COL1A2: variants seen among roughly 807,000 people sequenced by gnomAD.
The protein encoded by COL1A2 is collagen alpha-2(I) chain.
In COL1A2, 49 loss-of-function variants were observed where a neutral mutation model predicts 174.3. That is an observed-to-expected ratio of 0.28 (90% CI 0.22 to 0.36). COL1A2 has a LOEUF of 0.36. COL1A2 is among the 10% of genes least tolerant of loss of function. The probability of loss-of-function intolerance (pLI) is 1.00; values close to 1 mark genes in which losing one functional copy is unlikely to be tolerated. For synonymous variants in COL1A2, 655 were observed against 606.6 expected, an observed-to-expected ratio of 1.08 and a Z score of -1.17; for missense variants, 1,438 against 1,822.7, an observed-to-expected ratio of 0.79 and a Z score of 3.84.
intron 21 of COL1A2, 147 bp downstream of exon 21, chr7:94,410,674 C>A: frequency 1.1e-6 from 1 of 905,742 alleles, no homozygotes; most frequent in Non-Finnish European, 1.8e-6. Context: ...CAGTGACTCT[C>A]AATTTAATAT....
chr7:94,424,358 C>T lies in COL1A2; in HGVS notation c.2588C>T (p.Pro863Leu). 6.2e-7 allele frequency: 1 copy of T among 1,614,110 alleles called. No homozygotes were observed. Among genetic ancestry groups the T allele is most frequent in the Non-Finnish European group, 8.5e-7 (1 of 1,179,992 alleles). Residue 863 changes from proline (P) to leucine (L), a missense_variant, in exon 41 of 52, where the codon CCT (proline) becomes CTT (leucine). By Grantham distance (98) the Pro-to-Leu change is moderately conservative (BLOSUM62 -3). This residue lies in a region of COL1A2 where 867 missense variants were observed against 1,213.7 expected (regional missense o/e 0.71). Coordinates refer to ENST00000297268, the MANE Select transcript of COL1A2 (RefSeq NM_000089.4). ...TAGGGACCTCCTGGCACTCCAGGTC[C>T]TCAGGGTCTTCTTGGTGCTCCTGGT... ...GTAGPPGTPGPQGLLGAPGIL... is the reference protein window; with the variant it reads ...GTAGPPGTPGLQGLLGAPGIL...
chr7:94,406,447 G>T (rs1440313072), intron 12 of COL1A2, 144 bp downstream of exon 12: 1 of 709,612 alleles, frequency 1.4e-6, no homozygotes, highest in African/African-American at 1.8e-5. Context: ...AATCCCTCAA[G>T]GATGGGGACT....
At chr7:94,405,616 A>C in intron 10 of COL1A2, 57 bp from the exon 11 acceptor site, 1 of 1,453,044 alleles carries the variant, frequency 6.9e-7, no homozygotes, top group East Asian at 2.3e-5. Context: ...GGAAGAAGTC[A>C]CTGTCTTTTT....
chr7:94,408,774 C>T lies in COL1A2; in HGVS notation c.743C>T (p.Pro248Leu), dbSNP rs2115890135. Residue 248 changes from proline (P) to leucine (L), a missense_variant, in exon 16 of 52, where the codon CCC becomes CTC. Pro to Leu is a moderately conservative substitution (Grantham distance 98). Around this residue, in one of 3 missense-constraint regions of COL1A2, gnomAD observed 867 missense variants for 1,213.7 expected, o/e 0.71. Transcript: ENST00000297268. ...GSVGPVGPAGPIGSAGPPGFP... is the reference protein window; with the variant it reads ...GSVGPVGPAGLIGSAGPPGFP... ...CACCTTCTGCTTTGATTTCAGGGTC[C>T]CATTGGGTCTGCTGGCCCTCCAGGC... The T allele has an allele frequency of 6.2e-7, 1 of 1,614,058 alleles. No individual in the cohort carries two copies. Among genetic ancestry groups the T allele is most frequent in the East Asian group, 2.2e-5 (1 of 44,866 alleles).
chr7:94,410,402 G>A lies in COL1A2; in HGVS notation c.1090-18G>A, dbSNP rs752029165. On this transcript the variant is annotated intron_variant, in intron 20 of 51. Transcript: ENST00000297268. ...TTATTTTTTTACTCCCTCTTCTTTT[G>A]TTCTTTTCATTAAACAGGGCTCTGC... is the stretch of plus-strand genomic sequence containing the variant. 1.3e-6 allele frequency: 2 copies of A among 1,555,016 alleles called. No individual in the cohort carries two copies. The highest frequency in any genetic ancestry group is 2.4e-5 in the South Asian group (2 of 84,434).
intron 38 of COL1A2, 97 bp from the exon 39 acceptor site, chr7:94,421,802 T>G (rs1375094030): frequency 1.1e-5 from 7 of 619,482 alleles, no homozygotes; most frequent in Non-Finnish European, 1.8e-5. Context: ...CTATTCCTGG[T>G]CACATGTACT....
chr7:94,404,438 A>G (rs998597611), intron 6 of COL1A2, 118 bp from the exon 7 acceptor site: 2 of 1,075,344 alleles, frequency 1.9e-6, no homozygotes, highest in Non-Finnish European at 2.9e-6. Flanking sequence ...CTTGGGAGGA[A>G]TAAAAACTAT....
chr7:94,425,076 C>T (rs770235788), intron 41 of COL1A2, 41 bp from the exon 42 acceptor site: 2 of 1,566,626 alleles, frequency 1.3e-6, no homozygotes, highest in African/African-American at 1.4e-5. Flanking sequence ...AGCATTCCAT[C>T]GAATAAGGGG....
rs200685578 is a variant in COL1A2 at position 94,418,600 on chromosome 7, TTA to T, written c.2025+50_2025+51del. The T allele has an allele frequency of 4.4e-4, 666 of 1,522,426 alleles. No individual in the cohort carries two copies. In the East Asian group the frequency reaches 5.0e-3, roughly 12 times the overall value. 94.3% of individuals were successfully genotyped at this position (1,522,426 alleles called of 1,614,324 possible). ...GTTTCTTCGTACTTGGATTTTTTTT[TTA>T]TGTTTGAATTGAGAAGTTTTCCAAA... On this transcript the variant is annotated intron_variant, in intron 33 of 51. Coordinates refer to ENST00000297268, the MANE Select transcript of COL1A2 (RefSeq NM_000089.4).
At chr7:94,428,132 G>C (rs577909300) in intron 49 of COL1A2, among the ~76,000 whole-genome samples, 161 bp from the exon 50 acceptor site, 1 of 152,100 alleles carries the variant, frequency 6.6e-6, no homozygotes, top group Non-Finnish European at 1.5e-5. Flanking sequence ...GGGAGGGAAG[G>C]AACTGTCTAA....
chr7:94,417,634 C>A, intron 31 of COL1A2, 90 bp from the exon 32 acceptor site: 1 of 1,117,664 alleles, frequency 8.9e-7, no homozygotes, highest in Non-Finnish European at 1.3e-6. Context: ...GCCTGTCTAG[C>A]TAGCTGTTTA....
rs201137000 is a variant in COL1A2 at position 94,400,232 on chromosome 7, G to T, written c.169G>T (p.Gly57Cys). The T allele has an allele frequency of 1.2e-6, 2 of 1,612,784 alleles. No individual in the cohort carries two copies. Among genetic ancestry groups the T allele is most frequent in the South Asian group, 2.2e-5 (2 of 91,026 alleles). The change falls in exon 5 of 52, where the codon GGT becomes TGT. Residue 57 changes from glycine to cysteine, a missense_variant. This residue lies in a region of COL1A2 where 281 missense variants were observed against 310.9 expected (regional missense o/e 0.90). Coordinates refer to ENST00000297268, the MANE Select transcript of COL1A2 (RefSeq NM_000089.4). ...PGPPGRDGED[G>C]PTGPPGPPGP... ...CCCCCCAGGCAGAGATGGTGAAGAT[G>T]GTCCCACAGGCCCTCCTGGTCCACC...
intron 30 of COL1A2, among the ~76,000 whole-genome samples, chr7:94,415,889 T>A (rs1021144885): frequency 3.3e-5 from 5 of 152,194 alleles, no homozygotes; most frequent in Admixed American, 6.5e-5. Flanking sequence ...GGGAGATATT[T>A]AGATAGACAG....
Position 94,418,512 on chromosome 7 carries a change from T to C in COL1A2, c.1985T>C (p.Leu662Pro), listed in dbSNP as rs1490580465. ...TTATACTTTCAGGGTGAACCTGGTC[T>C]CAGAGGTGAAATTGGTAACCCTGGC... ...GGKGEKGEPG[L>P]RGEIGNPGRD... Residue 662 changes from leucine to proline, a missense_variant, in exon 33 of 52, where the codon CTC (leucine) becomes CCC (proline). Physicochemically the swap from Leu to Pro is moderately conservative, Grantham distance 98. Around this residue, in one of 3 missense-constraint regions of COL1A2, gnomAD observed 867 missense variants for 1,213.7 expected, o/e 0.71. Coordinates refer to ENST00000297268, the MANE Select transcript of COL1A2 (RefSeq NM_000089.4). 3 of 1,613,910 alleles carry C rather than the reference T, an allele frequency of 1.9e-6. No homozygotes were observed. In the East Asian group the frequency reaches 6.7e-5, roughly 36 times the overall value.
At chr7:94,426,748 T>C in intron 46 of COL1A2, 2 of 630,198 alleles carry the variant, frequency 3.2e-6, no homozygotes, top group Non-Finnish European at 2.8e-6. Context: ...CAATAAAATC[T>C]CCTGGTAACA....
intron 40 of COL1A2, chr7:94,423,319 C>T: frequency 1.6e-6 from 1 of 621,938 alleles, no homozygotes; most frequent in Non-Finnish European, 2.8e-6. Flanking sequence ...ATCGGGAAGA[C>T]AATAAATGAG....
chr7:94,413,654 C>G (rs747070601), intron 26 of COL1A2, 36 bp from the exon 27 acceptor site: 1 of 1,603,992 alleles, frequency 6.2e-7, no homozygotes, highest in East Asian at 2.2e-5. Flanking sequence ...ACCTGGCTTG[C>G]AGCTAACCAT....
intron 41 of COL1A2, 188 bp from the exon 42 acceptor site, chr7:94,424,929 G>A (rs749311671): frequency 5.6e-5 from 35 of 628,322 alleles, no homozygotes; most frequent in Middle Eastern, 3.8e-4. Context: ...CATAAAGCTG[G>A]CCATCTACAT....
At chr7:94,421,535 C>T in intron 38 of COL1A2, 1 of 381,490 alleles carries the variant, frequency 2.6e-6, no homozygotes, top group South Asian at 3.2e-5. Context: ...ATTTCCTTAC[C>T]ACTCAGCCAG....
Sources: allele counts gnomAD v4.1 joint callset (sites outside exome capture counted in the v4.1 genomes callset), GRCh38; gene constraint gnomAD v4.1.1; regional missense constraint gnomAD v4.1.1; transcripts MANE v1.5; gene names NCBI Gene and HGNC (gene_info 2026-07-23, HGNC 2026-07-21).